The following CCDC88C variants were observed in gnomAD, a reference collection of about 807,000 sequenced individuals.
CCDC88C encodes the protein coiled-coil and HOOK domain protein 88C.
A neutral mutation model predicts 198.8 loss-of-function variants in CCDC88C; 131 were observed. The observed-to-expected ratio is 0.66, with a 90% CI of 0.57 to 0.76. The LOEUF (loss-of-function observed/expected upper bound fraction) is 0.76. CCDC88C is among the 30% of genes least tolerant of loss of function. The probability of loss-of-function intolerance (pLI) is 0.00; values close to 1 mark genes in which losing one functional copy is unlikely to be tolerated. For synonymous variants in CCDC88C, 1,166 were observed against 1,114.7 expected, an observed-to-expected ratio of 1.05 and a Z score of -0.92; for missense variants, 2,553 against 2,631.6, an observed-to-expected ratio of 0.97 and a Z score of 0.65.
chr14:91,305,406 A>T (rs1328047806), intron 19 of CCDC88C, among the ~76,000 whole-genome samples: 2 of 152,184 alleles, frequency 1.3e-5, no homozygotes, highest in Non-Finnish European at 2.9e-5. Context: ...GTTCTACAGT[A>T]AAGAAACCTG....
intron 22 of CCDC88C, among the ~76,000 whole-genome samples, 166 bp downstream of exon 22, chr14:91,297,139 C>A (rs1891041847): frequency 6.6e-6 from 1 of 152,250 alleles, no homozygotes; most frequent in Non-Finnish European, 1.5e-5. Context: ...CCACAATGAC[C>A]CCCGTCAGCA....
At chr14:91,315,588 T>A (rs1892057704) in intron 14 of CCDC88C, 62 bp downstream of exon 14, 1 of 1,588,212 alleles carries the variant, frequency 6.3e-7, no homozygotes, top group African/African-American at 1.3e-5. Flanking sequence ...ATGGCTGTAA[T>A]CCCGGCTCTC....
rs575665625 is a variant in CCDC88C at position 91,275,373 on chromosome 14, GC to G, written c.5059-1721del. On this transcript the variant is annotated intron_variant, in intron 29 of 29. Transcript: ENST00000389857. Reference sequence around the variant, plus strand: ...GCCAGATCTCCAAAGGGAAAGGAAAGCATCATAAGGGGCATATAACAAAAAA... The same window carrying G: ...GCCAGATCTCCAAAGGGAAAGGAAAGATCATAAGGGGCATATAACAAAAAA... Among the ~76,000 whole-genome samples, 545 of 152,248 alleles carry G rather than the reference GC, an allele frequency of 3.6e-3. 6 individuals carry two copies. The highest frequency in any genetic ancestry group is 0.013 in the African/African-American group (533 of 41,530).
intron 3 of CCDC88C, among the ~76,000 whole-genome samples, chr14:91,372,084 C>T (rs1415610223): frequency 3.3e-5 from 5 of 152,112 alleles, no homozygotes; most frequent in Admixed American, 6.5e-5. Flanking sequence ...GTCCAGTGTC[C>T]CAGGGCAGGC....
intron 4 of CCDC88C, among the ~76,000 whole-genome samples, chr14:91,359,160 C>CTTTTTTTTTT (rs950112450): frequency 4.6e-5 from 5 of 108,662 alleles, no homozygotes; most frequent in Non-Finnish European, 9.1e-5. Context: ...AGGCTTCATT[C>CTTTTTTTTTT]TTTTTTTTTT....
intron 3 of CCDC88C, among the ~76,000 whole-genome samples, chr14:91,369,247 G>A (rs1045716530): frequency 1.3e-5 from 2 of 152,142 alleles, no homozygotes; most frequent in African/African-American, 2.4e-5. Context: ...AATCACACCC[G>A]CCAGGCTGGA....
At chr14:91,289,450 T>A in intron 24 of CCDC88C, 107 bp from the exon 25 acceptor site, 1 of 965,808 alleles carries the variant, frequency 1.0e-6, no homozygotes, top group Non-Finnish European at 1.7e-6. Context: ...TCTGGGAAGC[T>A]AGGCCACTCA....
At chr14:91,291,567 G>A (rs540684996) in intron 23 of CCDC88C, among the ~76,000 whole-genome samples, 1 of 152,280 alleles carries the variant, frequency 6.6e-6, no homozygotes, top group Admixed American at 6.5e-5. Context: ...GAAGCAAACT[G>A]AGAAGCTTTC....
Position 91,291,079 on chromosome 14 carries a change from TTGTCTC to T in CCDC88C, c.4113-1_4117del, listed in dbSNP as rs1344012292. The T allele has an allele frequency of 6.5e-7, 1 of 1,543,838 alleles. No individual in the cohort carries two copies. Among genetic ancestry groups the T allele is most frequent in the Middle Eastern group, 1.7e-4 (1 of 5,944 alleles). ...CTTATGTCTTCGTAAGGCATTTAAT[TTGTCTC>T]TGTGAATATAGGAGAAAGAAAACCT... On this transcript the variant is annotated splice_acceptor_variant and coding_sequence_variant, in exon 24 of 30. Transcript: ENST00000389857. LOFTEE classifies it high-confidence loss of function.
At chr14:91,309,535 G>A (rs1189234995) in intron 16 of CCDC88C, among the ~76,000 whole-genome samples, 6 of 151,684 alleles carry the variant, frequency 4.0e-5, no homozygotes, top group African/African-American at 2.4e-5. Context: ...GCTTGAACCC[G>A]GGAGGTGGAC....
rs755165083 is a variant in CCDC88C, at chr14:91,324,901, C to A, written c.1220G>T (p.Arg407Leu). Residue 407 changes from arginine (R) to leucine (L), a missense_variant, in exon 12 of 30, where the codon CGA (arginine) becomes CTA (leucine). Physicochemically the swap from Arg to Leu is moderately radical, Grantham distance 102 (BLOSUM62 -2). Transcript: ENST00000389857. ...GTTTTCTTCCAGCAGCTCCTCAATT[C>A]GTTTCTTATCTGTGTCCCGGTCCTG... The part of the protein sequence containing the change: ...LELDRDTDKK[R>L]IEELLEENMV... 6.2e-7 allele frequency: 1 copy of A among 1,613,764 alleles called. No individual in the cohort carries two copies. The highest frequency in any genetic ancestry group is 8.5e-7 in the Non-Finnish European group (1 of 1,179,892).
intron 4 of CCDC88C, among the ~76,000 whole-genome samples, chr14:91,351,185 C>A (rs974012873): frequency 3.9e-5 from 6 of 152,220 alleles, no homozygotes; most frequent in Admixed American, 2.6e-4. Flanking sequence ...CTTACTTATT[C>A]TACATTCTCT....
intron 13 of CCDC88C, 64 bp downstream of exon 13, chr14:91,321,056 G>A (rs1056881624): frequency 3.5e-5 from 51 of 1,447,812 alleles, no homozygotes; most frequent in Non-Finnish European, 4.5e-5. Context: ...GACAATCACT[G>A]GGGAGGATGG....
intron 3 of CCDC88C, among the ~76,000 whole-genome samples, chr14:91,385,517 G>A (rs905016543): frequency 6.6e-6 from 1 of 152,184 alleles, no homozygotes; most frequent in Non-Finnish European, 1.5e-5. Flanking sequence ...GAGGGTTTCC[G>A]TGCCCACTTG....
intron 3 of CCDC88C, among the ~76,000 whole-genome samples, chr14:91,377,081 G>C (rs1253565001): frequency 6.8e-6 from 1 of 146,902 alleles, no homozygotes; most frequent in African/African-American, 2.5e-5. Context: ...AAAACAAAGA[G>C]AAACAGAAAC....
At chr14:91,411,373 T>C (rs1161410604) in intron 2 of CCDC88C, among the ~76,000 whole-genome samples, 2 of 152,202 alleles carry the variant, frequency 1.3e-5, no homozygotes, top group Admixed American at 6.5e-5. Context: ...TCAAAGTCTA[T>C]ATGGTTCCAT....
At chr14:91,363,311 A>C (rs1596114573) in intron 3 of CCDC88C, among the ~76,000 whole-genome samples, 1 of 148,874 alleles carries the variant, frequency 6.7e-6, no homozygotes, top group African/African-American at 2.6e-5. Context: ...GGGTTTCACC[A>C]TGTTGCCCAG....
chr14:91,340,098 A>T (rs1893256753), intron 6 of CCDC88C, 74 bp from the exon 7 acceptor site: 1 of 1,552,960 alleles, frequency 6.4e-7, no homozygotes, highest in Non-Finnish European at 8.7e-7. Flanking sequence ...TGCAAACAGC[A>T]TCCCCTTCCA....
chr14:91,333,316 T>G (rs948384189), intron 10 of CCDC88C, among the ~76,000 whole-genome samples: 1 of 152,242 alleles, frequency 6.6e-6, no homozygotes, highest in African/African-American at 2.4e-5. Flanking sequence ...TATTTTAACA[T>G]TAACTCTGCC....
Sources: gnomAD v4.1 joint callset for allele counts (sites outside exome capture counted in the v4.1 genomes callset) on GRCh38, gnomAD v4.1.1 for gene constraint, MANE v1.5 for transcripts, NCBI Gene and HGNC (gene_info 2026-07-23, HGNC 2026-07-21) for gene names.